IGSF21: variants seen among roughly 807,000 people sequenced by gnomAD.
The protein encoded by IGSF21 is immunoglobulin superfamily member 21.
IGSF21 carries 28 observed loss-of-function variants against 46.8 expected under a neutral mutation model. That is an observed-to-expected ratio of 0.60 (90% confidence interval 0.44 to 0.82). IGSF21 has a LOEUF of 0.82. Among genes scored for constraint, IGSF21 ranks in the 40% least tolerant of loss-of-function variants. The pLI is 0.00. For missense variants in IGSF21, 624 were observed against 665.5 expected (o/e 0.94, Z 0.69); for synonymous variants, 284 against 273.6 (o/e 1.04, Z -0.38).
At chr1:18,250,989 G>T (rs2084836096) in intron 2 of IGSF21, among the ~76,000 whole-genome samples, 1 of 152,116 alleles carries the variant, frequency 6.6e-6, no homozygotes, top group South Asian at 2.1e-4. Flanking sequence ...CTGGGGAAGT[G>T]ACATTGAAGC....
chr1:18,122,799 G>A (rs1188189515), intron 1 of IGSF21, among the ~76,000 whole-genome samples: 1 of 151,566 alleles, frequency 6.6e-6, no homozygotes, highest in Non-Finnish European at 1.5e-5. Context: ...TTTTTTTTCT[G>A]TATTTTTAGT....
At chr1:18,151,153 C>G (rs2086518651) in intron 1 of IGSF21, among the ~76,000 whole-genome samples, 1 of 152,194 alleles carries the variant, frequency 6.6e-6, no homozygotes, top group South Asian at 2.1e-4. Context: ...TCATTTAGGT[C>G]TCTGTTCAAA....
intron 1 of IGSF21, among the ~76,000 whole-genome samples, chr1:18,202,162 C>T (rs867576585): frequency 2.0e-5 from 3 of 152,170 alleles, no homozygotes; most frequent in Non-Finnish European, 2.9e-5. Flanking sequence ...TTCCTAATGT[C>T]AATTTTCCCC....
At chr1:18,132,924 G>T (rs1319693736) in intron 1 of IGSF21, among the ~76,000 whole-genome samples, 1 of 152,112 alleles carries the variant, frequency 6.6e-6, no homozygotes, top group Non-Finnish European at 1.5e-5. Context: ...GAGTGGGGGA[G>T]GGAGGGGACG....
At chr1:18,148,282 C>T (rs11261096) in intron 1 of IGSF21, among the ~76,000 whole-genome samples, 100,621 of 151,540 alleles carry the variant, frequency 0.66, 34,660 homozygotes, top group Non-Finnish European at 0.78. Context: ...AGGCGCCCAC[C>T]ACCATGCCCA....
intron 2 of IGSF21, among the ~76,000 whole-genome samples, chr1:18,268,759 C>T (rs2085014433): frequency 6.6e-6 from 1 of 152,156 alleles, no homozygotes; most frequent in Non-Finnish European, 1.5e-5. Flanking sequence ...AGTTGGTCTC[C>T]CTCCTGAAGG....
At chr1:18,175,848 G>A (rs961551395) in intron 1 of IGSF21, among the ~76,000 whole-genome samples, 7 of 152,218 alleles carry the variant, frequency 4.6e-5, no homozygotes, top group South Asian at 4.1e-4. Context: ...TGTTAATCAC[G>A]CACTGATTAA....
intron 3 of IGSF21, among the ~76,000 whole-genome samples, chr1:18,325,812 T>C (rs1404201484): frequency 6.6e-6 from 1 of 152,098 alleles, no homozygotes; most frequent in Non-Finnish European, 1.5e-5. Flanking sequence ...GCTAATCTAT[T>C]CCCCAGTCCT....
In IGSF21 at chr1:18,378,313, T is replaced by C. The variant is rs1329750911; in HGVS notation, c.1391T>C (p.Leu464Pro). Reference protein sequence around the residue: ...LTLVLALTVILELT With the variant: ...LTLVLALTVIPELT ...TTGGTGCTCGCCCTGACAGTGATTC[T>C]GGAGCTGACGTGAAGGCACCCGCCC... Residue 464 changes from leucine to proline, a missense_variant, in exon 10 of 10, where the codon CTG becomes CCG. Leu to Pro is a moderately conservative substitution (Grantham distance 98). Transcript: ENST00000251296. 1 of 1,613,840 alleles carries C rather than the reference T, an allele frequency of 6.2e-7. No individual in the cohort carries two copies. Among genetic ancestry groups the C allele is most frequent in the Non-Finnish European group, 8.5e-7 (1 of 1,179,870 alleles).
chr1:18,288,149 A>G (rs1019919657), intron 2 of IGSF21, among the ~76,000 whole-genome samples: 6 of 152,122 alleles, frequency 3.9e-5, no homozygotes, highest in African/African-American at 1.4e-4. Context: ...CAGAGCACAA[A>G]ATTAGGAACC....
Position 18,376,978 on chromosome 1 carries a change from G to A in IGSF21, c.1280G>A (p.Arg427Gln), listed in dbSNP as rs1209934271. 1.2e-5 allele frequency: 19 copies of A among 1,593,018 alleles called. No individual in the cohort carries two copies. Among genetic ancestry groups the A allele is most frequent in the South Asian group, 6.7e-5 (6 of 90,112 alleles). ...NPLGSTDTHT[R>Q]LIVFENPNIP... ...CTGGGCTCCACCGACACGCACACCC[G>A]GCTCATCGTGTTTGGTATGGCGCGC... is the stretch of plus-strand genomic sequence containing the variant. The change falls in exon 8 of 10, where the codon CGG becomes CAG. Residue 427 changes from arginine to glutamine, a missense_variant. By Grantham distance (43) the Arg-to-Gln change is conservative (BLOSUM62 1). Transcript: ENST00000251296.
intron 9 of IGSF21, 70 bp downstream of exon 9, chr1:18,377,501 C>T (rs184784132): frequency 1.3e-3 from 1,631 of 1,239,756 alleles, no homozygotes; most frequent in Non-Finnish European, 1.8e-3. Flanking sequence ...AGCTCTGGTC[C>T]CCCAAACTTC....
At chr1:18,347,303 C>T (rs1337768243) in intron 4 of IGSF21, among the ~76,000 whole-genome samples, 2 of 152,202 alleles carry the variant, frequency 1.3e-5, no homozygotes, top group African/African-American at 4.8e-5. Context: ...CCTGTGGTGC[C>T]TCAGTGTGAG....
chr1:18,256,012 G>A (rs1422914237), intron 2 of IGSF21, among the ~76,000 whole-genome samples: 1 of 152,182 alleles, frequency 6.6e-6, no homozygotes, highest in African/African-American at 2.4e-5. Context: ...GTGCAGCTCT[G>A]TTCCATGTCC....
At chr1:18,341,714 T>C (rs932738791) in intron 4 of IGSF21, among the ~76,000 whole-genome samples, 2 of 152,218 alleles carry the variant, frequency 1.3e-5, no homozygotes, top group Non-Finnish European at 2.9e-5. Context: ...TATATAGCCA[T>C]CCTGCATGTT....
At chr1:18,223,494 G>C (rs1377169370) in intron 1 of IGSF21, among the ~76,000 whole-genome samples, 1 of 152,218 alleles carries the variant, frequency 6.6e-6, no homozygotes, top group Non-Finnish European at 1.5e-5. Flanking sequence ...CTGTCCATGA[G>C]GCATGGAATG....
intron 2 of IGSF21, among the ~76,000 whole-genome samples, chr1:18,253,746 G>T (rs1386282489): frequency 2.0e-5 from 3 of 152,202 alleles, no homozygotes. Context: ...TGCTTCCTCT[G>T]ACAGGAACAA....
chr1:18,249,285 G>A (rs1049970147), intron 2 of IGSF21, among the ~76,000 whole-genome samples: 4 of 152,196 alleles, frequency 2.6e-5, no homozygotes, highest in African/African-American at 9.6e-5. Flanking sequence ...GACAGGGCAA[G>A]GGCTCCAGGT....
rs562190771 is a variant in IGSF21 at position 18,314,242 on chromosome 1, C to A, written c.306-20650C>A. Among the ~76,000 whole-genome samples the A allele has an allele frequency of 1.2e-4, 19 of 152,058 alleles. No individual in the cohort carries two copies. In the South Asian group the frequency reaches 3.9e-3, roughly 32 times the overall value. Reference sequence around the variant, plus strand: ...GTGGAACTGAAACCACCTTGATAAACCTATTCTCCTGCATCTGCCTTCCTC... The same window carrying A: ...GTGGAACTGAAACCACCTTGATAAAACTATTCTCCTGCATCTGCCTTCCTC... On this transcript the variant is annotated intron_variant, in intron 3 of 9. Coordinates refer to ENST00000251296, the MANE Select transcript of IGSF21 (RefSeq NM_032880.5).
Sources: gnomAD v4.1 joint callset for allele counts (sites outside exome capture counted in the v4.1 genomes callset) on GRCh38, gnomAD v4.1.1 for gene constraint, MANE v1.5 for transcripts, NCBI Gene and HGNC (gene_info 2026-07-23, HGNC 2026-07-21) for gene names.